PLSCR2: variants seen among roughly 807,000 people sequenced by gnomAD.
PLSCR2 encodes the protein phospholipid scramblase 2, also known as PL scramblase 2.
A neutral mutation model predicts 25.3 loss-of-function variants in PLSCR2; 18 were observed. That is an observed-to-expected ratio of 0.71 (90% confidence interval 0.49 to 1.06). The LOEUF is 1.06. Among genes scored for constraint, PLSCR2 ranks in the 50% least tolerant of loss-of-function variants. PLSCR2 has a pLI of 0.00. For synonymous variants in PLSCR2, 88 were observed against 87.3 expected, an observed-to-expected ratio of 1.01 and a Z score of -0.04; for missense variants, 243 against 269.5, an observed-to-expected ratio of 0.90 and a Z score of 0.69.
chr3:146,459,662 T>A (rs1366613744), intron 2 of PLSCR2, among the ~76,000 whole-genome samples, 186 bp downstream of exon 2: 2 of 152,244 alleles, frequency 1.3e-5, no homozygotes, highest in African/African-American at 2.4e-5. Flanking sequence ...CATATTTTGA[T>A]TTAACAATGA....
At chr3:146,411,114 G>C (rs2038833498) in intron 2 of PLSCR2, among the ~76,000 whole-genome samples, 1 of 151,858 alleles carries the variant, frequency 6.6e-6, no homozygotes, top group Admixed American at 6.6e-5. Context: ...CAAGAAACCT[G>C]AACAAAAGAA....
At chr3:146,462,712 A>C (rs567320189), upstream of PLSCR2, among the ~76,000 whole-genome samples, 5 of 152,006 alleles carry the variant, frequency 3.3e-5, no homozygotes, top group Non-Finnish European at 7.4e-5. Context: ...TGATCTGCCC[A>C]CTGCGGCCTC....
chr3:146,482,423 A>G (rs1174135761), intron 1 of PLSCR2, among the ~76,000 whole-genome samples: 2 of 152,210 alleles, frequency 1.3e-5, no homozygotes, highest in African/African-American at 4.8e-5. Flanking sequence ...AAGGATATGA[A>G]CAGACACTTC....
At chr3:146,422,793 A>T (rs560118642) in intron 2 of PLSCR2, among the ~76,000 whole-genome samples, 2 of 152,230 alleles carry the variant, frequency 1.3e-5, no homozygotes, top group African/African-American at 4.8e-5. Context: ...AAATAAGTCT[A>T]TATGTGGCTG....
At chr3:146,395,589 C>G (rs1273788028) in intron 3 of PLSCR2, among the ~76,000 whole-genome samples, 1 of 152,164 alleles carries the variant, frequency 6.6e-6, no homozygotes, top group Non-Finnish European at 1.5e-5. Context: ...CTAATTTTTG[C>G]TTCCTTTGCA....
intron 1 of PLSCR2, among the ~76,000 whole-genome samples, chr3:146,472,476 C>A (rs1312913666): frequency 6.6e-6 from 1 of 152,272 alleles, no homozygotes; most frequent in East Asian, 1.9e-4. Flanking sequence ...TGGAGGCTGA[C>A]AAATCCAACA....
chr3:146,449,186 A>G lies in PLSCR2; in HGVS notation c.645+20T>C. 1.3e-6 allele frequency: 2 copies of G among 1,584,392 alleles called. No individual in the cohort carries two copies. The highest frequency in any genetic ancestry group is 1.1e-5 in the South Asian group (1 of 87,684). The stretch of plus-strand genomic sequence containing the variant: ...TCTAGAGAAGCCATCTGTCACCAAG[A>G]TTAGCAGGAATAGACTTACAATGAG... On this transcript the variant is annotated intron_variant, in intron 6 of 6. Coordinates refer to ENST00000610787, the Ensembl canonical transcript of PLSCR2.
At chr3:146,482,234 T>C (rs1047359236) in intron 1 of PLSCR2, among the ~76,000 whole-genome samples, 1 of 152,070 alleles carries the variant, frequency 6.6e-6, no homozygotes, top group Non-Finnish European at 1.5e-5. Context: ...ATTGGATCAA[T>C]TAAACTAAAG....
chr3:146,429,633 A>AC (rs2039472923), downstream of PLSCR2, among the ~76,000 whole-genome samples: 1 of 149,456 alleles, frequency 6.7e-6, no homozygotes, highest in South Asian at 2.1e-4. Flanking sequence ...TTATTTATTT[A>AC]TTTTTTTTTT....
chr3:146,395,119 G>A (rs537088036), intron 3 of PLSCR2, among the ~76,000 whole-genome samples: 75 of 152,230 alleles, frequency 4.9e-4, no homozygotes, highest in African/African-American at 1.8e-3. Flanking sequence ...CTAATACAAT[G>A]ACATTAAGTG....
intron 2 of PLSCR2, among the ~76,000 whole-genome samples, chr3:146,420,788 G>A (rs2039122613): frequency 6.6e-6 from 1 of 151,936 alleles, no homozygotes; most frequent in Non-Finnish European, 1.5e-5. Context: ...GAGAAAATAG[G>A]CGTATTGTAT....
chr3:146,463,248 C>A (rs1031378593), upstream of PLSCR2, among the ~76,000 whole-genome samples: 2 of 152,056 alleles, frequency 1.3e-5, no homozygotes, highest in African/African-American at 4.8e-5. Flanking sequence ...GAGATCTGGG[C>A]TCACTGCAAG....
chr3:146,477,168 G>A (rs777509710), intron 1 of PLSCR2, among the ~76,000 whole-genome samples: 6 of 152,182 alleles, frequency 3.9e-5, no homozygotes, highest in Admixed American at 2.0e-4. Context: ...CAGCGTGATC[G>A]ATGCAGAAGA....
intron 3 of PLSCR2, among the ~76,000 whole-genome samples, chr3:146,456,883 T>C (rs1052554856): frequency 6.6e-6 from 1 of 152,098 alleles, no homozygotes; most frequent in African/African-American, 2.4e-5. Flanking sequence ...AGCACATATA[T>C]TGTGCAAATA....
chr3:146,407,809 G>T (rs1193762352), intron 2 of PLSCR2, among the ~76,000 whole-genome samples: 1 of 152,178 alleles, frequency 6.6e-6, no homozygotes, highest in African/African-American at 2.4e-5. Context: ...ATCTGTCTCT[G>T]TGGTAACAGT....
downstream of PLSCR2, among the ~76,000 whole-genome samples, chr3:146,439,244 C>G (rs1322796433): frequency 3.3e-5 from 5 of 152,066 alleles, no homozygotes; most frequent in Non-Finnish European, 7.4e-5. Flanking sequence ...AATCTGACAA[C>G]TATGTGTCTT....
chr3:146,430,479 C>T (rs1362976464), downstream of PLSCR2, among the ~76,000 whole-genome samples: 2 of 152,162 alleles, frequency 1.3e-5, no homozygotes, highest in African/African-American at 4.8e-5. Flanking sequence ...TTCACAGCAT[C>T]AGTAGCACTT....
At chr3:146,462,081 A>G (rs1484076378), upstream of PLSCR2, 3 of 512,944 alleles carry the variant, frequency 5.8e-6, no homozygotes, top group Non-Finnish European at 1.0e-5. Context: ...AAGAGACCTG[A>G]TATTAATATG....
intron 2 of PLSCR2, among the ~76,000 whole-genome samples, chr3:146,420,601 G>T (rs1231097949): frequency 1.3e-5 from 2 of 151,870 alleles, no homozygotes; most frequent in Non-Finnish European, 2.9e-5. Flanking sequence ...ACTTTAAATT[G>T]TTGCTCTATT....
Sources: allele counts gnomAD v4.1 joint callset (sites outside exome capture counted in the v4.1 genomes callset), GRCh38; gene constraint gnomAD v4.1.1; transcripts MANE v1.5; gene names NCBI Gene and HGNC (gene_info 2026-07-23, HGNC 2026-07-21).